POSTN: variants seen among roughly 807,000 people sequenced by gnomAD.
POSTN encodes periostin.
POSTN carries 71 observed loss-of-function variants against 104.5 expected under a neutral mutation model. That is an observed-to-expected ratio of 0.68 (90% CI 0.56 to 0.83). The LOEUF (loss-of-function observed/expected upper bound fraction) is 0.83, where lower values mean the gene tolerates loss of function less well. Among genes scored for constraint, POSTN ranks in the 40% least tolerant of loss-of-function variants. The pLI is 0.00. For missense variants in POSTN, 949 were observed against 1,006.8 expected (o/e 0.94, Z 0.78); for synonymous variants, 355 against 340.7 (o/e 1.04, Z -0.46).
At chr13:37,596,057 C>G (rs149041638) in intron 2 of POSTN, among the ~76,000 whole-genome samples, 4 of 151,978 alleles carry the variant, frequency 2.6e-5, no homozygotes, top group Admixed American at 2.0e-4. Flanking sequence ...CTGTCTCAGC[C>G]CCCCCAAAGT....
chr13:37,566,551 A>G (rs1593306081), intron 21 of POSTN, among the ~76,000 whole-genome samples: 2 of 152,162 alleles, frequency 1.3e-5, no homozygotes, highest in East Asian at 3.9e-4. Context: ...CAGATGAAGG[A>G]AACAAGCAAG....
intron 4 of POSTN, among the ~76,000 whole-genome samples, chr13:37,588,649 T>G (rs1950831420): frequency 6.6e-6 from 1 of 152,128 alleles, no homozygotes; most frequent in African/African-American, 2.4e-5. Context: ...TTTAAATGAA[T>G]AGGAATGGTG....
chr13:37,582,392 G>A lies in POSTN; in HGVS notation c.1366C>T (p.Gln456Ter). ...GTACGATATACGAAGACTCTGAGCT[G>A]TTTGCCTCCGATGGTTTCCAGTATT... ...GQILETIGGK[Q>*]LRVFVYRTAV... Residue 456 changes from glutamine (Q) to a stop codon, truncating the protein, a stop_gained, in exon 10 of 23, where the codon CAG becomes TAG. Coordinates refer to ENST00000379747, the MANE Select transcript of POSTN (RefSeq NM_006475.3). LOFTEE classifies it high-confidence loss of function. 1 of 1,613,520 alleles carries A rather than the reference G, an allele frequency of 6.2e-7. No homozygotes were observed. The highest frequency in any genetic ancestry group is 8.5e-7 in the Non-Finnish European group (1 of 1,179,818).
chr13:37,586,657 G>A lies in POSTN; in HGVS notation c.753+125C>T, dbSNP rs190480708. 1.5e-5 allele frequency: 13 copies of A among 853,540 alleles called. No homozygotes were observed. In the East Asian group the frequency reaches 3.2e-4, roughly 21 times the overall value. 52.9% of individuals were successfully genotyped at this position (853,540 alleles called of 1,614,324 possible). ...GTTTCTTCTGTGTAAAATGAAAATA[G>A]TAGTCCTTTCAAAAAATATGTGTTA... On this transcript the variant is annotated intron_variant, in intron 6 of 22. Coordinates refer to ENST00000379747, the MANE Select transcript of POSTN (RefSeq NM_006475.3).
intron 4 of POSTN, among the ~76,000 whole-genome samples, chr13:37,589,587 G>A (rs1223747606): frequency 1.3e-5 from 2 of 152,100 alleles, no homozygotes; most frequent in African/African-American, 4.8e-5. Flanking sequence ...AGGCAAGGAA[G>A]AAGATGAGTC....
chr13:37,568,167 G>T (rs1374293774), intron 21 of POSTN, among the ~76,000 whole-genome samples: 1 of 151,906 alleles, frequency 6.6e-6, no homozygotes, highest in Non-Finnish European at 1.5e-5. Context: ...GCTCTGTTGT[G>T]CTATGTACTC....
At chr13:37,589,593 G>A (rs1269313787) in intron 4 of POSTN, among the ~76,000 whole-genome samples, 3 of 152,042 alleles carry the variant, frequency 2.0e-5, no homozygotes, top group African/African-American at 4.8e-5. Flanking sequence ...GGAAGAAGAT[G>A]AGTCAGCAAA....
intron 1 of POSTN, 36 bp downstream of exon 1, chr13:37,598,572 A>T (rs1405198678): frequency 6.3e-7 from 1 of 1,585,634 alleles, no homozygotes; most frequent in Non-Finnish European, 8.6e-7. Context: ...CTGAGGAAAA[A>T]GAAAAATGGT....
intron 21 of POSTN, chr13:37,568,814 A>G (rs1175150632): frequency 6.6e-6 from 1 of 152,146 alleles, no homozygotes; most frequent in Non-Finnish European, 1.5e-5. Context: ...CTGTTAGAAG[A>G]AACAGATATT....
At chr13:37,591,827 G>A (rs938024747) in intron 3 of POSTN, among the ~76,000 whole-genome samples, 1 of 152,170 alleles carries the variant, frequency 6.6e-6, no homozygotes, top group Non-Finnish European at 1.5e-5. Context: ...TCAAAGAACA[G>A]GATTTTGTAA....
chr13:37,569,637 A>G, intron 20 of POSTN, 107 bp downstream of exon 20: 1 of 959,452 alleles, frequency 1.0e-6, no homozygotes, highest in South Asian at 1.3e-5. Context: ...TGGTATGGAA[A>G]TGAACAATAG....
rs777881727 is a variant in POSTN, at chr13:37,598,739, C to T, written c.-13G>A. The T allele has an allele frequency of 6.4e-5, 103 of 1,611,330 alleles. No homozygotes were observed. Among genetic ancestry groups the T allele is most frequent in the East Asian group, 3.3e-4 (15 of 44,810 alleles). The stretch of plus-strand genomic sequence containing the variant: ...AAAAGGGAATCATCTTGAGTCTCTC[C>T]GTTGCAGTTAGTCCCCGAAGAGAAC... On this transcript the variant is annotated 5_prime_UTR_variant, in exon 1 of 23. Transcript: ENST00000379747.
chr13:37,566,228 A>G (rs951916794), intron 21 of POSTN, among the ~76,000 whole-genome samples: 4 of 152,240 alleles, frequency 2.6e-5, no homozygotes, highest in Non-Finnish European at 5.9e-5. Context: ...GCAGCAAAAC[A>G]TGGGAAGATA....
rs1950036393 is a variant in POSTN, at chr13:37,564,639, A to C, written c.2432-79T>G. ...ACAGGAGACCATGGTTAAACAGAACAGTGTAAAGTCTTAAATAAGTATCAC... is the reference window on the plus strand; with the variant it reads ...ACAGGAGACCATGGTTAAACAGAACCGTGTAAAGTCTTAAATAAGTATCAC... On this transcript the variant is annotated intron_variant, in intron 21 of 22. Transcript: ENST00000379747. 6 of 787,664 alleles carry C rather than the reference A, an allele frequency of 7.6e-6. No homozygotes were observed. In the East Asian group the frequency reaches 1.5e-4, roughly 20 times the overall value. The allele number at this position is 787,664 out of a possible 1,614,324, so 48.8% of individuals were successfully genotyped here. A position where few individuals can be genotyped will look rare whatever the true frequency, so the allele number is the denominator to read the frequency against.
chr13:37,598,249 C>A (rs1488297324), intron 1 of POSTN, among the ~76,000 whole-genome samples: 3 of 151,788 alleles, frequency 2.0e-5, no homozygotes, highest in African/African-American at 7.3e-5. Flanking sequence ...TATGATAGTT[C>A]CTAACAATAG....
At chr13:37,596,946 G>T (rs1049132453) in intron 2 of POSTN, among the ~76,000 whole-genome samples, 1 of 152,078 alleles carries the variant, frequency 6.6e-6, no homozygotes, top group South Asian at 2.1e-4. Flanking sequence ...CATGTGATCT[G>T]CTTCCTTCTG....
chr13:37,584,503 C>T (rs1950688118), intron 8 of POSTN, among the ~76,000 whole-genome samples: 1 of 152,066 alleles, frequency 6.6e-6, no homozygotes. Context: ...ATGTCAGAAA[C>T]CCTAGAAAGC....
intron 10 of POSTN, among the ~76,000 whole-genome samples, chr13:37,581,846 A>C (rs1200850640): frequency 6.6e-6 from 1 of 152,244 alleles, no homozygotes; most frequent in Non-Finnish European, 1.5e-5. Context: ...TTTACAGTAT[A>C]AGATCACCTT....
chr13:37,582,468 C>A lies in POSTN; in HGVS notation c.1290G>T (p.Gln430His). The A allele has an allele frequency of 6.2e-7, 1 of 1,613,330 alleles. No individual in the cohort carries two copies. The highest frequency in any genetic ancestry group is 1.1e-5 in the South Asian group (1 of 90,976). The change falls in exon 10 of 23, where the codon CAG (glutamine) becomes CAT (histidine). Residue 430 changes from glutamine to histidine, a missense_variant. Coordinates refer to ENST00000379747, the MANE Select transcript of POSTN (RefSeq NM_006475.3). ...MDQRLLKLIL[Q>H]NHILKVKVGL... ...CAACTTTTACTTTCAATATGTGATT[C>A]TGCAGAATTAATTTAAGGAGGCGCT...
Sources: gnomAD v4.1 joint callset for allele counts (sites outside exome capture counted in the v4.1 genomes callset) on GRCh38, gnomAD v4.1.1 for gene constraint, MANE v1.5 for transcripts, NCBI Gene and HGNC (gene_info 2026-07-23, HGNC 2026-07-21) for gene names.